Variants in FRS2 observed in about 807,000 individuals in gnomAD.
FRS2 encodes FGFR signalling adaptor.
In FRS2, 8 loss-of-function variants were observed where a neutral mutation model predicts 43.9. That is an observed-to-expected ratio of 0.18 (90% CI 0.11 to 0.33). The LOEUF (loss-of-function observed/expected upper bound fraction) is 0.33, where lower values mean the gene tolerates loss of function less well. FRS2 is among the 10% of genes least tolerant of loss of function. The probability of loss-of-function intolerance (pLI) is 1.00; values close to 1 mark genes in which losing one functional copy is unlikely to be tolerated. For synonymous variants in FRS2, 219 were observed against 220.3 expected (o/e 0.99, Z 0.05); for missense variants, 534 against 627.6 (o/e 0.85, Z 1.59).
At chr12:69,538,227 TTGCAGATTATATATATATATAC>T (rs1565757413) in intron 3 of FRS2, among the ~76,000 whole-genome samples, 20 of 64,476 alleles carry the variant, frequency 3.1e-4, no homozygotes, top group African/African-American at 1.9e-3. Context: ...ATATATAGCA[TTGCAGATTATATATATATATAC>T]ATATATATAT....
intron 3 of FRS2, among the ~76,000 whole-genome samples, chr12:69,555,946 T>C (rs1167676790): frequency 6.6e-6 from 1 of 151,066 alleles, no homozygotes; most frequent in Non-Finnish European, 1.5e-5. Context: ...TGAAACAGTT[T>C]GTTTTGGGGG....
intron 1 of FRS2, among the ~76,000 whole-genome samples, chr12:69,502,084 G>A (rs1873504269): frequency 1.3e-5 from 2 of 151,996 alleles, no homozygotes; most frequent in African/African-American, 4.8e-5. Flanking sequence ...TTCTGCCTCA[G>A]CTTCCTGAGT....
At chr12:69,563,985 AC>A (rs1880074247) in intron 4 of FRS2, among the ~76,000 whole-genome samples, 1 of 152,036 alleles carries the variant, frequency 6.6e-6, no homozygotes, top group Non-Finnish European at 1.5e-5. Context: ...AACTTTCTTG[AC>A]CTACTGATTA....
intron 5 of FRS2, among the ~76,000 whole-genome samples, chr12:69,569,943 C>T (rs1880605898): frequency 1.3e-5 from 2 of 152,144 alleles, no homozygotes; most frequent in African/African-American, 2.4e-5. Flanking sequence ...CCTTTATCTC[C>T]TGACCCACTA....
chr12:69,551,943 T>A (rs1878907805), intron 3 of FRS2, among the ~76,000 whole-genome samples: 1 of 152,152 alleles, frequency 6.6e-6, no homozygotes, highest in South Asian at 2.1e-4. Flanking sequence ...TGTCTTACAA[T>A]TAGTGGCATA....
intron 1 of FRS2, among the ~76,000 whole-genome samples, chr12:69,495,469 A>T (rs538262037): frequency 1.1e-4 from 17 of 152,330 alleles, no homozygotes; most frequent in Non-Finnish European, 2.5e-4. Context: ...GTGCCTCAAT[A>T]TAATAAATAT....
At chr12:69,507,798 G>C (rs1164381102) in intron 1 of FRS2, among the ~76,000 whole-genome samples, 1 of 152,064 alleles carries the variant, frequency 6.6e-6, no homozygotes, top group Non-Finnish European at 1.5e-5. Context: ...GCCCAGGCGG[G>C]CGGATCACCT....
chr12:69,493,308 C>T (rs995714480), intron 1 of FRS2, among the ~76,000 whole-genome samples: 3 of 152,126 alleles, frequency 2.0e-5, no homozygotes, highest in South Asian at 2.1e-4. Context: ...CTGTCTCAGA[C>T]GATTTATGGA....
intron 1 of FRS2, among the ~76,000 whole-genome samples, chr12:69,486,909 A>G (rs1007641829): frequency 6.6e-6 from 1 of 152,232 alleles, no homozygotes; most frequent in African/African-American, 2.4e-5. Context: ...TTTGAAGCCA[A>G]ATAGAGGTTG....
intron 1 of FRS2, among the ~76,000 whole-genome samples, chr12:69,479,619 A>G (rs1004374942): frequency 1.3e-5 from 2 of 151,840 alleles, no homozygotes; most frequent in African/African-American, 4.8e-5. Flanking sequence ...GATGGTCTCC[A>G]TCTCCTGACC....
At chr12:69,478,586 A>G (rs1338474586) in intron 1 of FRS2, among the ~76,000 whole-genome samples, 1 of 152,190 alleles carries the variant, frequency 6.6e-6, no homozygotes, top group African/African-American at 2.4e-5. Context: ...GAAATAATTC[A>G]TCTTTTTCTT....
At chr12:69,489,776 A>G (rs78367845) in intron 1 of FRS2, among the ~76,000 whole-genome samples, 419 of 149,656 alleles carry the variant, frequency 2.8e-3, no homozygotes, top group African/African-American at 9.6e-3. Flanking sequence ...TGTTTTTTAT[A>G]TCCTGTTTTC....
intron 3 of FRS2, among the ~76,000 whole-genome samples, chr12:69,546,909 G>A (rs1307454687): frequency 1.3e-5 from 2 of 152,210 alleles, no homozygotes; most frequent in African/African-American, 4.8e-5. Flanking sequence ...AGGGTCTTGA[G>A]GTATTTGTAC....
intron 3 of FRS2, 176 bp from the exon 4 acceptor site, chr12:69,562,004 G>A (rs1257390419): frequency 2.5e-5 from 9 of 360,050 alleles, no homozygotes; most frequent in Admixed American, 4.6e-5. Context: ...GATAACATGT[G>A]CATATTATAT....
intron 3 of FRS2, among the ~76,000 whole-genome samples, chr12:69,536,202 G>A (rs1198109763): frequency 8.1e-6 from 1 of 123,202 alleles, no homozygotes; most frequent in Non-Finnish European, 1.6e-5. Flanking sequence ...TCAGCTCACT[G>A]CAACCTCCAT....
At chr12:69,488,357 C>G (rs1391129067) in intron 1 of FRS2, among the ~76,000 whole-genome samples, 1 of 152,156 alleles carries the variant, frequency 6.6e-6, no homozygotes, top group Non-Finnish European at 1.5e-5. Context: ...GAGACAAAAC[C>G]CTACACTAGC....
At chr12:69,500,787 G>A (rs1341356219) in intron 1 of FRS2, among the ~76,000 whole-genome samples, 1 of 152,170 alleles carries the variant, frequency 6.6e-6, no homozygotes. Flanking sequence ...TAATTTTGAG[G>A]AATAGTTTTG....
chr12:69,560,236 T>TA (rs1425483444), intron 3 of FRS2, among the ~76,000 whole-genome samples: 2 of 152,228 alleles, frequency 1.3e-5, no homozygotes, highest in Non-Finnish European at 2.9e-5. Context: ...AATGGTGATA[T>TA]AATAATGCCT....
rs565204951 is a variant in FRS2 at position 69,545,288 on chromosome 12, C to T, written c.-122+13232C>T. Among the ~76,000 whole-genome samples the T allele has an allele frequency of 9.2e-5, 14 of 152,210 alleles. No homozygotes were observed. In the East Asian group the frequency reaches 2.1e-3, roughly 23 times the overall value. ...TGCAAAATTAGAAACGCCCATTCTG[C>T]AATTCATATGGAATATCAAGGGACT... On this transcript the variant is annotated intron_variant, in intron 3 of 8. Coordinates refer to ENST00000549921, the MANE Select transcript of FRS2 (RefSeq NM_001278356.2).
Sources: allele counts gnomAD v4.1 joint callset (sites outside exome capture counted in the v4.1 genomes callset), GRCh38; gene constraint gnomAD v4.1.1; transcripts MANE v1.5; gene names NCBI Gene and HGNC (gene_info 2026-07-23, HGNC 2026-07-21).